Variants in MAK observed in about 807,000 individuals in gnomAD.
MAK encodes the protein male germ cell associated kinase.
In MAK, 65 loss-of-function variants were observed where a neutral mutation model predicts 82.6. The observed-to-expected ratio is 0.79, with a 90% CI of 0.64 to 0.97. The LOEUF (loss-of-function observed/expected upper bound fraction) is 0.97, where lower values mean the gene tolerates loss of function less well. Ranked by LOEUF, MAK falls within the 50% of genes least tolerant of loss-of-function variation. MAK has a pLI of 0.00. For synonymous variants in MAK, 250 were observed against 274.2 expected (o/e 0.91, Z 0.87); for missense variants, 703 against 780.2 (o/e 0.90, Z 1.18).
intron 8 of MAK, among the ~76,000 whole-genome samples, chr6:10,799,323 A>G (rs1223653063): frequency 6.6e-6 from 1 of 152,242 alleles, no homozygotes; most frequent in Non-Finnish European, 1.5e-5. Flanking sequence ...AAGACTGAAC[A>G]TTTAAAAAAT....
At chr6:10,775,540 A>G (rs1773392136) in intron 11 of MAK, 81 bp from the exon 12 acceptor site, 12 of 1,429,114 alleles carry the variant, frequency 8.4e-6, no homozygotes, top group Non-Finnish European at 1.2e-5. Context: ...ATTCAAACAA[A>G]GACTAGAGAC....
At chr6:10,789,412 G>T (rs959703478) in intron 10 of MAK, among the ~76,000 whole-genome samples, 2 of 152,084 alleles carry the variant, frequency 1.3e-5, no homozygotes, top group African/African-American at 4.8e-5. Flanking sequence ...TCCAACATGG[G>T]CTAAAATACA....
At chr6:10,833,506 G>A (rs144000038) in intron 1 of MAK, among the ~76,000 whole-genome samples, 313 of 152,232 alleles carry the variant, frequency 2.1e-3, no homozygotes, top group African/African-American at 7.1e-3. Flanking sequence ...TAAGGAGGCT[G>A]AGGTAGGAGA....
At chr6:10,818,330 G>A (rs1352847899) in intron 3 of MAK, among the ~76,000 whole-genome samples, 2 of 152,094 alleles carry the variant, frequency 1.3e-5, no homozygotes, top group African/African-American at 2.4e-5. Flanking sequence ...GTTGTCTTTG[G>A]TGGCTGAGCG....
chr6:10,778,409 T>A (rs1051405018), intron 11 of MAK, among the ~76,000 whole-genome samples: 8 of 152,228 alleles, frequency 5.3e-5, no homozygotes, highest in South Asian at 4.1e-4. Flanking sequence ...TGAATCATGA[T>A]TAACCCTCAT....
At chr6:10,770,534 C>T (rs951609514) in intron 13 of MAK, among the ~76,000 whole-genome samples, 9 of 152,108 alleles carry the variant, frequency 5.9e-5, no homozygotes, top group South Asian at 2.1e-4. Context: ...ACCCTGAACA[C>T]GCCAGGCTTT....
At chr6:10,790,695 G>A (rs1203981796) in intron 10 of MAK, among the ~76,000 whole-genome samples, 1 of 152,226 alleles carries the variant, frequency 6.6e-6, no homozygotes, top group Non-Finnish European at 1.5e-5. Context: ...TGGGAATAAT[G>A]ATTGTCATTC....
chr6:10,790,695 G>C (rs1203981796), intron 10 of MAK, among the ~76,000 whole-genome samples: 1 of 152,226 alleles, frequency 6.6e-6, no homozygotes, highest in African/African-American at 2.4e-5. Flanking sequence ...TGGGAATAAT[G>C]ATTGTCATTC....
intron 9 of MAK, among the ~76,000 whole-genome samples, chr6:10,792,594 C>G (rs1277997708): frequency 6.6e-6 from 1 of 152,102 alleles, no homozygotes; most frequent in Non-Finnish European, 1.5e-5. Context: ...TTAGAGCACA[C>G]AATGAATTGG....
intron 6 of MAK, among the ~76,000 whole-genome samples, chr6:10,804,397 C>A (rs1019555746): frequency 6.6e-6 from 1 of 152,152 alleles, no homozygotes; most frequent in African/African-American, 2.4e-5. Context: ...GGCTGGAGTG[C>A]AATGGCGCGG....
At chr6:10,837,474 T>C (rs1490572149) in intron 1 of MAK, among the ~76,000 whole-genome samples, 1 of 152,148 alleles carries the variant, frequency 6.6e-6, no homozygotes, top group African/African-American at 2.4e-5. Context: ...ACTTTCTCCC[T>C]CCCGGTCAAG....
chr6:10,805,093 G>A (rs1041070522), intron 6 of MAK, among the ~76,000 whole-genome samples: 2 of 151,740 alleles, frequency 1.3e-5, no homozygotes, highest in East Asian at 1.9e-4. Context: ...GGGAGGGGGC[G>A]TGCTGCCATG....
At chr6:10,789,745 C>G (rs906203943) in intron 10 of MAK, among the ~76,000 whole-genome samples, 24 of 152,192 alleles carry the variant, frequency 1.6e-4, no homozygotes, top group Admixed American at 1.2e-3. Flanking sequence ...ACAACCTCTG[C>G]CTCCTGGGTT....
chr6:10,764,460 G>A lies in MAK; in HGVS notation c.1939C>T (p.His647Tyr). The A allele has an allele frequency of 6.2e-7, 1 of 1,613,938 alleles. No individual in the cohort carries two copies. Among genetic ancestry groups the A allele is most frequent in the Non-Finnish European group, 8.5e-7 (1 of 1,179,944 alleles). The change falls in exon 15 of 15, where the codon CAC (histidine) becomes TAC (tyrosine). Residue 647 changes from histidine (H) to tyrosine (Y), a missense_variant. Physicochemically the swap from His to Tyr is moderately conservative, Grantham distance 83. Transcript: ENST00000354489. ...RTDWVAKYGG[H>Y]R The stretch of plus-strand genomic sequence containing the variant: ...TTTCACACCATAGACTCCTACCGGT[G>A]GCCTCCATACTTGGCCACCCAGTCT...
chr6:10,795,341 C>T (rs947215118), intron 9 of MAK, among the ~76,000 whole-genome samples: 11 of 152,102 alleles, frequency 7.2e-5, no homozygotes, highest in African/African-American at 2.6e-4. Flanking sequence ...ACTCAGGAAG[C>T]TGAGGCAAGA....
chr6:10,774,896 C>T (rs1773333136), intron 12 of MAK, among the ~76,000 whole-genome samples: 1 of 152,220 alleles, frequency 6.6e-6, no homozygotes, highest in East Asian at 1.9e-4. Context: ...CTAGGGCAGA[C>T]CCATTTCAGG....
rs1384627359 is a variant in MAK at position 10,776,456 on chromosome 6, A to G, written c.1466-997T>C. Among the ~76,000 whole-genome samples, 2 of 152,140 alleles carry G rather than the reference A, an allele frequency of 1.3e-5. No homozygotes were observed. The highest frequency in any genetic ancestry group is 2.9e-5 in the Non-Finnish European group (2 of 68,028). On this transcript the variant is annotated intron_variant, in intron 11 of 14. Transcript: ENST00000354489. This position sits in a 1 kb window ranked among gnomAD's most constrained non-coding sequence, Gnocchi z 4.3. The stretch of plus-strand genomic sequence containing the variant: ...TGAGCTTGTTTTCTTTTCACTGATA[A>G]TTAAATTAGAGTGAACTTGAGCAGT...
At chr6:10,807,921 A>G (rs1776618550) in intron 6 of MAK, among the ~76,000 whole-genome samples, 1 of 152,010 alleles carries the variant, frequency 6.6e-6, no homozygotes, top group African/African-American at 2.4e-5. Flanking sequence ...TACAAAAATT[A>G]GCTGGGCATG....
chr6:10,798,607 T>G (rs1459126049), intron 8 of MAK, among the ~76,000 whole-genome samples: 1 of 151,998 alleles, frequency 6.6e-6, no homozygotes, highest in African/African-American at 2.4e-5. Flanking sequence ...AGACTAACAT[T>G]TTTTATACTT....
Sources: gnomAD v4.1 joint callset for allele counts (sites outside exome capture counted in the v4.1 genomes callset) on GRCh38, gnomAD v4.1.1 for gene constraint, Gnocchi (gnomAD v3.1) non-coding constraint, MANE v1.5 for transcripts, NCBI Gene and HGNC (gene_info 2026-07-23, HGNC 2026-07-21) for gene names.